Variants in LRRK2 observed in about 807,000 individuals in gnomAD.
LRRK2 encodes the protein leucine rich repeat kinase 2.
A neutral mutation model predicts 302.6 loss-of-function variants in LRRK2; 203 were observed. The observed-to-expected ratio is 0.67, with a 90% CI of 0.60 to 0.75. The LOEUF (loss-of-function observed/expected upper bound fraction) is 0.75. Among genes scored for constraint, LRRK2 ranks in the 30% least tolerant of loss-of-function variants. The pLI, the probability that LRRK2 is intolerant of heterozygous loss-of-function variation, is 0.00. For synonymous variants in LRRK2, 1,066 were observed against 1,031.9 expected (o/e 1.03, Z -0.63); for missense variants, 2,830 against 2,951.0 (o/e 0.96, Z 0.95).
At chr12:40,345,576 T>A in intron 41 of LRRK2, among the ~76,000 whole-genome samples, 1 of 115,634 alleles carries the variant, frequency 8.6e-6, no homozygotes, top group Non-Finnish European at 1.6e-5. Context: ...TAAGCCAAGA[T>A]CACACCCCTG....
At chr12:40,300,684 C>A in intron 25 of LRRK2, 1 of 422,006 alleles carries the variant, frequency 2.4e-6, no homozygotes. Context: ...GACTCACTCA[C>A]TAGTAAGCAA....
intron 19 of LRRK2, among the ~76,000 whole-genome samples, 168 bp from the exon 20 acceptor site, chr12:40,287,183 G>A (rs1490372356): frequency 6.6e-6 from 1 of 151,912 alleles, no homozygotes. Flanking sequence ...AAAAATATAT[G>A]ATCTGCCACC....
chr12:40,299,404 C>A, intron 25 of LRRK2, 147 bp downstream of exon 25: 3 of 878,624 alleles, frequency 3.4e-6, no homozygotes, highest in Non-Finnish European at 5.4e-6. Context: ...AGCAGGTTGG[C>A]AATAAAACAA....
At chr12:40,270,526 G>A (rs974081210) in intron 14 of LRRK2, among the ~76,000 whole-genome samples, 1 of 151,802 alleles carries the variant, frequency 6.6e-6, no homozygotes, top group Non-Finnish European at 1.5e-5. Context: ...AGTTTTGTTG[G>A]TTGTAAAATA....
chr12:40,333,128 C>T (rs1219477061), intron 39 of LRRK2, among the ~76,000 whole-genome samples: 5 of 152,126 alleles, frequency 3.3e-5, no homozygotes, highest in Non-Finnish European at 7.4e-5. Flanking sequence ...GATTAGACCT[C>T]TGTCTGTGCC....
At chr12:40,265,825 C>G (rs1019759344) in intron 14 of LRRK2, among the ~76,000 whole-genome samples, 2 of 152,128 alleles carry the variant, frequency 1.3e-5, no homozygotes, top group African/African-American at 4.8e-5. Context: ...TGGAACAGAA[C>G]AGAGCCCTCA....
At chr12:40,339,982 C>T (rs1349563916) in intron 40 of LRRK2, among the ~76,000 whole-genome samples, 1 of 152,048 alleles carries the variant, frequency 6.6e-6, no homozygotes, top group Non-Finnish European at 1.5e-5. Context: ...TTCAGAATTG[C>T]CTTTAAGTAA....
At position 40,351,720 on chromosome 12, in the gene LRRK2, G is replaced by C. The variant is rs202072135; in HGVS notation, c.6563G>C (p.Gly2188Ala). The C allele has an allele frequency of 8.1e-6, 13 of 1,613,910 alleles. No homozygotes were observed. The highest frequency in any genetic ancestry group is 1.1e-5 in the Non-Finnish European group (13 of 1,179,994). ...QLSFLDLNTE[G>A]YTSEEVADSR... ...TCATTTCTTGACTTAAATACTGAAG[G>C]ATACACTTCTGAGGTAAATCCAAAT... The change falls in exon 44 of 51, where the codon GGA becomes GCA. Residue 2188 changes from glycine (G) to alanine (A), a missense_variant. Around this residue, in one of 3 missense-constraint regions of LRRK2, gnomAD observed 456 missense variants for 456.3 expected, o/e 1.00. Transcript: ENST00000298910.
intron 11 of LRRK2, among the ~76,000 whole-genome samples, chr12:40,254,633 T>C (rs1942420586): frequency 6.6e-6 from 1 of 152,182 alleles, no homozygotes; most frequent in Admixed American, 6.5e-5. Flanking sequence ...GTTGGTGACA[T>C]CATTCATAAC....
rs375667059 is a variant in LRRK2 at position 40,283,857 on chromosome 12, A to T, written c.2242-18A>T. 13 of 1,599,426 alleles carry T rather than the reference A, an allele frequency of 8.1e-6. No homozygotes were observed. The highest frequency in any genetic ancestry group is 3.4e-5 in the South Asian group (3 of 88,662). ...AAAATGTAGATTTTTAATATACTTA[A>T]TTTTTTTTCTTTAATAGGTATGTGA... On this transcript the variant is annotated intron_variant, in intron 18 of 50. Coordinates refer to ENST00000298910, the MANE Select transcript of LRRK2 (RefSeq NM_198578.4).
At position 40,364,773 on chromosome 12, in the gene LRRK2, TATC is replaced by T. The variant is rs1028295528; in HGVS notation, c.7182-66_7182-64del. On this transcript the variant is annotated intron_variant, in intron 48 of 50. Transcript: ENST00000298910. ...TAATAATTTAAAATGTTGTTTATGT[TATC>T]ATATGTAAATAGCATTTATCTCTTA... 192 of 1,164,554 alleles carry T rather than the reference TATC, an allele frequency of 1.6e-4. No homozygotes were observed. In the African/African-American group the frequency reaches 2.3e-3, roughly 14 times the overall value. The allele number at this position is 1,164,554 out of a possible 1,614,324, so 72.1% of individuals were successfully genotyped here.
At chr12:40,272,070 G>A (rs1050013745) in intron 14 of LRRK2, among the ~76,000 whole-genome samples, 1 of 152,028 alleles carries the variant, frequency 6.6e-6, no homozygotes, top group African/African-American at 2.4e-5. Flanking sequence ...TAATTTTCAG[G>A]GCGTAGTATA....
At position 40,359,360 on chromosome 12, in the gene LRRK2, T is replaced by C. The variant is rs750442494; in HGVS notation, c.6944T>C (p.Met2315Thr). ...ACAAATTCAACGGAAAGAAATGTAA[T>C]GTGGGGAGGATGTGGCACAAAGATT... ...ESTNSTERNV[M>T]WGGCGTKIFS... The change falls in exon 47 of 51, where the codon ATG (methionine) becomes ACG (threonine). Residue 2315 changes from methionine (M) to threonine (T), a missense_variant. Transcript: ENST00000298910. The C allele has an allele frequency of 4.3e-6, 7 of 1,613,180 alleles. No individual in the cohort carries two copies. The highest frequency in any genetic ancestry group is 1.7e-5 in the Admixed American group (1 of 59,930).
rs140057135 is a variant in LRRK2 at position 40,357,587 on chromosome 12, G to A, written c.6843+1400G>A. ...AGCATATGGGCATTCGTTTTTTTCC[G>A]CATCCTTGCCAGCATGTTATTTTTT... On this transcript the variant is annotated intron_variant, in intron 46 of 50. Transcript: ENST00000298910. Among the ~76,000 whole-genome samples, 92 of 152,076 alleles carry A rather than the reference G, an allele frequency of 6.0e-4. 2 individuals carry two copies. In the East Asian group the frequency reaches 0.016, roughly 27 times the overall value.
At chr12:40,339,220 G>A (rs781304971) in intron 40 of LRRK2, among the ~76,000 whole-genome samples, 15 of 152,114 alleles carry the variant, frequency 9.9e-5, no homozygotes, top group African/African-American at 2.4e-4. Flanking sequence ...CAACAGTCAC[G>A]AATAAGCAAA....
At chr12:40,248,072 G>T (rs1942089849) in intron 7 of LRRK2, among the ~76,000 whole-genome samples, 1 of 151,984 alleles carries the variant, frequency 6.6e-6, no homozygotes, top group South Asian at 2.1e-4. Context: ...TTCATGAGAA[G>T]GTTGTAGTTG....
At chr12:40,357,098 A>G (rs926190882) in intron 46 of LRRK2, among the ~76,000 whole-genome samples, 3 of 151,984 alleles carry the variant, frequency 2.0e-5, no homozygotes, top group African/African-American at 7.3e-5. Context: ...ACACACCCAT[A>G]TCCTCCCAAG....
intron 20 of LRRK2, among the ~76,000 whole-genome samples, chr12:40,288,762 T>C (rs1944028654): frequency 6.6e-6 from 1 of 151,962 alleles, no homozygotes; most frequent in Non-Finnish European, 1.5e-5. Context: ...ATTTTGCTTT[T>C]AATTGGGTTG....
intron 41 of LRRK2, among the ~76,000 whole-genome samples, chr12:40,342,966 C>T (rs556582337): frequency 6.6e-6 from 1 of 152,234 alleles, no homozygotes; most frequent in East Asian, 1.9e-4. Flanking sequence ...CCTTAGGACC[C>T]TCTGACATAT....
Sources: gnomAD v4.1 joint callset for allele counts (sites outside exome capture counted in the v4.1 genomes callset) on GRCh38, gnomAD v4.1.1 for gene constraint, gnomAD v4.1.1 regional missense constraint, MANE v1.5 for transcripts, NCBI Gene and HGNC (gene_info 2026-07-23, HGNC 2026-07-21) for gene names.